GPC6: variants seen among roughly 807,000 people sequenced by gnomAD.
The protein encoded by GPC6 is glypican-6.
In GPC6, 14 loss-of-function variants were observed where a neutral mutation model predicts 55.2. That is an observed-to-expected ratio of 0.25 (90% CI 0.17 to 0.40). The LOEUF (loss-of-function observed/expected upper bound fraction) is 0.40. GPC6 is among the 10% of genes least tolerant of loss of function. The probability of loss-of-function intolerance (pLI) is 1.00; values close to 1 mark genes in which losing one functional copy is unlikely to be tolerated. For synonymous variants in GPC6, 278 were observed against 259.6 expected (o/e 1.07, Z -0.68); for missense variants, 641 against 708.5 (o/e 0.90, Z 1.08).
chr13:94,023,954 G>A (rs1355896604), intron 3 of GPC6, among the ~76,000 whole-genome samples: 1 of 152,094 alleles, frequency 6.6e-6, no homozygotes, highest in Non-Finnish European at 1.5e-5. Context: ...AAATAGATTA[G>A]TGGTTGCCAG....
At position 93,657,073 on chromosome 13, in the gene GPC6, C is replaced by T. The variant is rs1332821040; in HGVS notation, c.319+111652C>T. Among the ~76,000 whole-genome samples the T allele has an allele frequency of 3.3e-5, 5 of 152,020 alleles. No homozygotes were observed. The South Asian group carries it at 8.3e-4, about 25-fold the overall frequency. ...TGTTATTCTGATCAAACTACCAAAA[C>T]ATTTTTCATGGAATTAGAAAAAACT... On this transcript the variant is annotated intron_variant, in intron 2 of 8. Coordinates refer to ENST00000377047, the MANE Select transcript of GPC6 (RefSeq NM_005708.5).
intron 8 of GPC6, among the ~76,000 whole-genome samples, chr13:94,399,001 C>T (rs1200345301): frequency 6.6e-6 from 1 of 152,170 alleles, no homozygotes; most frequent in Non-Finnish European, 1.5e-5. Context: ...CTGCCCTGTT[C>T]CCACCAAAAG....
intron 4 of GPC6, among the ~76,000 whole-genome samples, chr13:94,139,608 A>G (rs557879951): frequency 7.9e-5 from 12 of 152,316 alleles, no homozygotes; most frequent in African/African-American, 2.4e-4. Context: ...GGGAAGTTAG[A>G]CAGTACCCCA....
rs148374758 is a variant in GPC6 at position 93,831,217 on chromosome 13, C to A, written c.711+672C>A. Among the ~76,000 whole-genome samples, 482 of 152,190 alleles carry A rather than the reference C, an allele frequency of 3.2e-3. 4 individuals are homozygous for A. Among genetic ancestry groups the A allele is most frequent in the Non-Finnish European group, 2.8e-3 (187 of 67,984 alleles). Reference sequence around the variant, plus strand: ...GATCAATCATTAATCTACTTTTGGGCCTTTCTTGAAGATAACATCTCTATA... The same window carrying A: ...GATCAATCATTAATCTACTTTTGGGACTTTCTTGAAGATAACATCTCTATA... On this transcript the variant is annotated intron_variant, in intron 3 of 8. Transcript: ENST00000377047.
intron 4 of GPC6, among the ~76,000 whole-genome samples, chr13:94,129,077 T>G (rs940093749): frequency 6.6e-6 from 1 of 152,198 alleles, no homozygotes; most frequent in Non-Finnish European, 1.5e-5. Flanking sequence ...TGTGAAGTTA[T>G]TAAATTGTGG....
At chr13:93,692,275 A>C (rs1882285584) in intron 2 of GPC6, among the ~76,000 whole-genome samples, 1 of 152,106 alleles carries the variant, frequency 6.6e-6, no homozygotes, top group African/African-American at 2.4e-5. Context: ...TATTTCCCGT[A>C]ATTTAAGAAA....
chr13:93,217,551 C>T, the GPC6 span, among the ~76,000 whole-genome samples: 1 of 152,166 alleles, frequency 6.6e-6, no homozygotes, highest in African/African-American at 2.4e-5. Flanking sequence ...CCCTTAGAGA[C>T]TGTAACATGA....
chr13:94,290,913 C>T (rs375942971), intron 5 of GPC6, among the ~76,000 whole-genome samples: 7 of 152,056 alleles, frequency 4.6e-5, no homozygotes, highest in Admixed American at 2.0e-4. Flanking sequence ...ATAGGGAGAC[C>T]GGGCATGGTG....
In GPC6 at chr13:94,106,295, C is replaced by T. The variant is rs188813832; in HGVS notation, c.877+78401C>T. On this transcript the variant is annotated intron_variant, in intron 4 of 8. Transcript: ENST00000377047. ...GGTCATGGTCAACAGTGTTAGATGC[C>T]CTAAGAATCTGAGAAAAGGTTACAT... Among the ~76,000 whole-genome samples, 157 of 148,980 alleles carry T rather than the reference C, an allele frequency of 1.1e-3. 2 individuals carry two copies. In the East Asian group the frequency reaches 0.023, roughly 22 times the overall value.
At chr13:93,381,130 T>C (rs1466718017) in intron 1 of GPC6, among the ~76,000 whole-genome samples, 2 of 152,154 alleles carry the variant, frequency 1.3e-5, no homozygotes, top group African/African-American at 4.8e-5. Context: ...TAACCTGAAA[T>C]AAAGCTGTTA....
At chr13:93,240,323 T>G (rs1876387631) in intron 1 of GPC6, among the ~76,000 whole-genome samples, 1 of 152,162 alleles carries the variant, frequency 6.6e-6, no homozygotes, top group Non-Finnish European at 1.5e-5. Context: ...TGTATGTTTA[T>G]TTAAGGTTGT....
At chr13:93,338,266 G>A (rs548017767) in intron 1 of GPC6, among the ~76,000 whole-genome samples, 2 of 152,100 alleles carry the variant, frequency 1.3e-5, no homozygotes, top group African/African-American at 2.4e-5. Flanking sequence ...AGAATGAAAA[G>A]GTAGATCTTA....
At chr13:93,482,442 C>T (rs1218580460) in intron 1 of GPC6, among the ~76,000 whole-genome samples, 5 of 152,048 alleles carry the variant, frequency 3.3e-5, no homozygotes, top group South Asian at 2.1e-4. Context: ...CCAACTAATT[C>T]GTTGTTTCTC....
intron 1 of GPC6, among the ~76,000 whole-genome samples, chr13:93,250,786 T>C (rs1378847596): frequency 6.6e-6 from 1 of 152,194 alleles, no homozygotes; most frequent in Non-Finnish European, 1.5e-5. Context: ...CCCTTTGGCT[T>C]CCCAGCATTG....
At chr13:93,479,614 C>CCCA (rs988412597) in intron 1 of GPC6, among the ~76,000 whole-genome samples, 1 of 142,412 alleles carries the variant, frequency 7.0e-6, no homozygotes, top group East Asian at 2.3e-4. Context: ...TGAGACCCCC[C>CCCA]CCCATCTCTA....
At chr13:93,874,058 A>G (rs2140303898) in intron 3 of GPC6, among the ~76,000 whole-genome samples, 1 of 152,000 alleles carries the variant, frequency 6.6e-6, no homozygotes, top group East Asian at 2.0e-4. Flanking sequence ...AGATTTTAAA[A>G]AGCTTTTATT....
intron 3 of GPC6, among the ~76,000 whole-genome samples, chr13:93,944,170 T>TTTTATTTATTTATTTA (rs140286554): frequency 6.9e-6 from 1 of 144,910 alleles, no homozygotes; most frequent in Admixed American, 6.9e-5. Context: ...CTTCCTTTTA[T>TTTTATTTATTTATTTA]TTTATTTATT....
At position 93,227,662 on chromosome 13, in the gene GPC6, C is replaced by T; in HGVS notation, c.160+46C>T. ...GGGGCAGGCTGCAGCCCTCGGCTGC[C>T]GCACGTCCCACTGGCCGCCCGGCGT... On this transcript the variant is annotated intron_variant, in intron 1 of 8. Transcript: ENST00000377047. This position sits in a 1 kb window ranked among gnomAD's most constrained non-coding sequence, Gnocchi z 4.3. The T allele has an allele frequency of 2.0e-6, 3 of 1,495,058 alleles. No individual in the cohort carries two copies. The highest frequency in any genetic ancestry group is 2.7e-6 in the Non-Finnish European group (3 of 1,104,416). The allele number at this position is 1,495,058 out of a possible 1,614,324, so 92.6% of individuals were successfully genotyped here.
chr13:94,150,688 C>G (rs1887705671), intron 4 of GPC6, among the ~76,000 whole-genome samples: 1 of 151,624 alleles, frequency 6.6e-6, no homozygotes, highest in African/African-American at 2.4e-5. Flanking sequence ...GGTTTAGCTG[C>G]TGCTCTTAAA....
Sources: gnomAD v4.1 joint callset for allele counts (sites outside exome capture counted in the v4.1 genomes callset) on GRCh38, gnomAD v4.1.1 for gene constraint, Gnocchi (gnomAD v3.1) non-coding constraint, MANE v1.5 for transcripts, NCBI Gene and HGNC (gene_info 2026-07-23, HGNC 2026-07-21) for gene names.